The following AGBL1 variants were observed in gnomAD, a reference collection of about 807,000 sequenced individuals.
AGBL1 encodes the protein AGBL carboxypeptidase 1.
Under a neutral mutation model 118.9 loss-of-function variants are expected in AGBL1, and 130 were observed. The ratio of observed to expected loss-of-function variants is 1.09; its 90% confidence interval spans 0.95 to 1.26. The LOEUF is 1.26. AGBL1 is among the 50% of genes most tolerant of loss of function. AGBL1 has a pLI of 0.00. For missense variants in AGBL1, 1,584 were observed against 1,298.1 expected (o/e 1.22, Z -3.38); for synonymous variants, 555 against 478.9 (o/e 1.16, Z -2.08).
chr15:86,268,315 CTCTT>C (rs555611941), intron 13 of AGBL1, among the ~76,000 whole-genome samples: 117 of 152,208 alleles, frequency 7.7e-4, no homozygotes, highest in African/African-American at 2.6e-3. Context: ...CATGTCAAGA[CTCTT>C]TCTCAGCCCT....
At position 86,578,915 on chromosome 15, in the gene AGBL1, T is replaced by C. The variant is rs144487192; in HGVS notation, c.2994+24378T>C. ...TATCAGCAGCATGAAAACGGACTAA[T>C]ACAGGCAGCTTTAGGCTAAACTTAA... On this transcript the variant is annotated intron_variant, in intron 21 of 22. Transcript: ENST00000614907. Among the ~76,000 whole-genome samples the C allele has an allele frequency of 6.2e-3, 939 of 152,284 alleles. 7 individuals are homozygous for C. The highest frequency in any genetic ancestry group is 0.021 in the African/African-American group (892 of 41,560).
intron 18 of AGBL1, among the ~76,000 whole-genome samples, chr15:86,485,273 C>T (rs986542510): frequency 6.6e-6 from 1 of 152,130 alleles, no homozygotes; most frequent in African/African-American, 2.4e-5. Flanking sequence ...CTTCAGTGAT[C>T]TTCGTGCAAA....
chr15:86,786,164 G>A (rs926618726), intron 22 of AGBL1, among the ~76,000 whole-genome samples: 21 of 152,070 alleles, frequency 1.4e-4, no homozygotes, highest in African/African-American at 5.1e-4. Flanking sequence ...GTGCAGGTTA[G>A]TTAGATATGT....
At chr15:86,896,781 C>G (rs1024926844) in intron 22 of AGBL1, among the ~76,000 whole-genome samples, 1 of 152,058 alleles carries the variant, frequency 6.6e-6, no homozygotes, top group East Asian at 1.9e-4. Flanking sequence ...TTTATATTCT[C>G]TTTTGTAAAC....
At chr15:86,939,962 G>A (rs2080728494) in intron 23 of AGBL1, among the ~76,000 whole-genome samples, 1 of 149,732 alleles carries the variant, frequency 6.7e-6, no homozygotes, top group Non-Finnish European at 1.5e-5. Flanking sequence ...ATTCACCACA[G>A]CCTTGACCTC....
chr15:86,509,700 C>T (rs1189496360), intron 18 of AGBL1, among the ~76,000 whole-genome samples: 2 of 152,108 alleles, frequency 1.3e-5, no homozygotes, highest in African/African-American at 4.8e-5. Flanking sequence ...ACCTTATAAC[C>T]TACCTCCCCT....
chr15:86,382,684 CTCTT>C (rs1207945803), intron 17 of AGBL1, among the ~76,000 whole-genome samples: 4 of 151,786 alleles, frequency 2.6e-5, no homozygotes, highest in Non-Finnish European at 5.9e-5. Flanking sequence ...TATTATTATT[CTCTT>C]TCTTTTTATT....
intron 22 of AGBL1, among the ~76,000 whole-genome samples, chr15:86,785,829 A>G (rs112275555): frequency 4.0e-4 from 61 of 152,320 alleles, no homozygotes; most frequent in African/African-American, 1.5e-3. Context: ...CTGAGTAGTC[A>G]GAGAGCTCTT....
intron 18 of AGBL1, among the ~76,000 whole-genome samples, chr15:86,414,665 G>T (rs1352166376): frequency 1.3e-5 from 2 of 152,078 alleles, no homozygotes. Flanking sequence ...CTCCAAGATG[G>T]GAAAAAATAT....
Position 86,698,954 on chromosome 15 carries a change from A to G in AGBL1, c.3158+24518A>G, listed in dbSNP as rs78737410. Among the ~76,000 whole-genome samples, 689 of 152,052 alleles carry G rather than the reference A, an allele frequency of 4.5e-3. 4 individuals are homozygous for G. The highest frequency in any genetic ancestry group is 0.016 in the African/African-American group (658 of 41,492). ...CTTCTTGTGGATTCCTCTTAGTAAGATGAGACCAAAATATCAGTTTTTAAG... is the reference window on the plus strand; with the variant it reads ...CTTCTTGTGGATTCCTCTTAGTAAGGTGAGACCAAAATATCAGTTTTTAAG... On this transcript the variant is annotated intron_variant, in intron 22 of 22. Coordinates refer to ENST00000614907, the MANE Select transcript of AGBL1 (RefSeq NM_001386094.1).
intron 21 of AGBL1, among the ~76,000 whole-genome samples, chr15:86,664,727 A>G (rs1483494652): frequency 2.0e-5 from 3 of 152,176 alleles, no homozygotes; most frequent in Admixed American, 6.6e-5. Context: ...GATAGGCCTA[A>G]CCAGCTCATT....
rs150369998 is a variant in AGBL1 at position 87,001,508 on chromosome 15, C to T, written c.3323+13420C>T. ...GAGTATATAACCAGTAATGGGATGG[C>T]TGGGACAAATGGTATTTCTAGTTCT... On this transcript the variant is annotated intron_variant, in intron 24 of 24. Coordinates refer to the AGBL1 transcript ENST00000441037. 6.6e-3 allele frequency among the ~76,000 whole-genome samples: 1,005 copies of T among 152,126 alleles called. 25 individuals carry two copies. Among genetic ancestry groups the T allele is most frequent in the African/African-American group, 0.023 (964 of 41,438 alleles).
intron 18 of AGBL1, among the ~76,000 whole-genome samples, chr15:86,466,708 C>G (rs1198707939): frequency 1.3e-5 from 2 of 152,208 alleles, no homozygotes; most frequent in Non-Finnish European, 2.9e-5. Flanking sequence ...GATGTTGATT[C>G]TATTGCTTTC....
At chr15:86,155,274 C>T (rs2077172715) in intron 4 of AGBL1, among the ~76,000 whole-genome samples, 1 of 151,836 alleles carries the variant, frequency 6.6e-6, no homozygotes, top group African/African-American at 2.4e-5. Flanking sequence ...TTGAGACCAG[C>T]TTGGTCTCTG....
chr15:86,198,379 A>G (rs949024716), intron 5 of AGBL1, among the ~76,000 whole-genome samples: 3 of 152,258 alleles, frequency 2.0e-5, no homozygotes, highest in East Asian at 1.9e-4. Context: ...GAGAATTTGG[A>G]CTTGAGATTT....
intron 23 of AGBL1, among the ~76,000 whole-genome samples, chr15:86,937,805 GTTA>G (rs1416518455): frequency 1.3e-5 from 2 of 152,096 alleles, no homozygotes; most frequent in Non-Finnish European, 2.9e-5. Flanking sequence ...TAAAATAAAA[GTTA>G]AAACAAAAGT....
At chr15:86,921,914 G>A (rs2080485394) in intron 23 of AGBL1, among the ~76,000 whole-genome samples, 1 of 152,148 alleles carries the variant, frequency 6.6e-6, no homozygotes, top group African/African-American at 2.4e-5. Flanking sequence ...AAGGTATAAA[G>A]TGAGGTCTTC....
At chr15:86,950,791 T>C (rs1022570035) in intron 23 of AGBL1, among the ~76,000 whole-genome samples, 3 of 151,992 alleles carry the variant, frequency 2.0e-5, no homozygotes, top group Non-Finnish European at 4.4e-5. Flanking sequence ...CAAAAGAGGA[T>C]GTCAAAATGG....
intron 22 of AGBL1, among the ~76,000 whole-genome samples, chr15:86,725,561 T>C (rs142473379): frequency 2.0e-5 from 3 of 152,334 alleles, no homozygotes; most frequent in Admixed American, 1.3e-4. Flanking sequence ...TTGAGATAAA[T>C]TCCTTTGTAT....
Sources: allele counts gnomAD v4.1 joint callset (sites outside exome capture counted in the v4.1 genomes callset), GRCh38; gene constraint gnomAD v4.1.1; transcripts MANE v1.5; gene names NCBI Gene and HGNC (gene_info 2026-07-23, HGNC 2026-07-21).